The following MS4A1 variants were observed in gnomAD, a reference collection of about 807,000 sequenced individuals.
MS4A1 encodes B-lymphocyte antigen CD20.
A neutral mutation model predicts 26.5 loss-of-function variants in MS4A1; 16 were observed. The observed-to-expected ratio is 0.60, with a 90% CI of 0.41 to 0.92. MS4A1 has a LOEUF of 0.92. MS4A1 is among the 40% of genes least tolerant of loss of function. The pLI is 0.00. For synonymous variants in MS4A1, 128 were observed against 117.6 expected (o/e 1.09, Z -0.57); for missense variants, 350 against 353.0 (o/e 0.99, Z 0.07).
Position 60,459,520 on chromosome 11 carries a change from C to A in MS4A1, c.-279-1552C>A, listed in dbSNP as rs1233998429. Among the ~76,000 whole-genome samples the A allele has an allele frequency of 3.3e-5, 5 of 152,242 alleles. No individual in the cohort carries two copies. The East Asian group carries it at 9.6e-4, about 29-fold the overall frequency. On this transcript the variant is annotated intron_variant, in intron 1 of 7. Coordinates refer to ENST00000345732, the MANE Select transcript of MS4A1 (RefSeq NM_152866.3). The stretch of plus-strand genomic sequence containing the variant: ...GTCTTTACTAAGGCAAATTCTATAC[C>A]CAGACTGCAGCTTCCTCATTTGTGA...
At chr11:60,459,871 AG>A (rs1428954985) in intron 1 of MS4A1, among the ~76,000 whole-genome samples, 3 of 152,240 alleles carry the variant, frequency 2.0e-5, no homozygotes, top group African/African-American at 7.2e-5. Flanking sequence ...CATAAGGGAA[AG>A]GCTGAATTCC....
chr11:60,463,743 A>C, intron 4 of MS4A1: 1 of 451,672 alleles, frequency 2.2e-6, no homozygotes, highest in South Asian at 1.6e-5. Flanking sequence ...TTAGAACAAG[A>C]GTTTCCTCCA....
At chr11:60,466,803 G>A (rs945793252) in intron 6 of MS4A1, 156 bp from the exon 7 acceptor site, 2 of 739,844 alleles carry the variant, frequency 2.7e-6, no homozygotes, top group Non-Finnish European at 4.7e-6. Context: ...TAAAGATGCT[G>A]TCTCCTGTAC....
intron 6 of MS4A1, 121 bp from the exon 7 acceptor site, chr11:60,466,838 A>T: frequency 1.1e-6 from 1 of 949,290 alleles, no homozygotes; most frequent in Non-Finnish European, 1.7e-6. Context: ...GCTATTCATT[A>T]CTTGTCTAAA....
intron 1 of MS4A1, among the ~76,000 whole-genome samples, chr11:60,459,531 C>T (rs755322989): frequency 8.5e-5 from 13 of 152,212 alleles, no homozygotes; most frequent in Non-Finnish European, 1.8e-4. Flanking sequence ...CAGACTGCAG[C>T]TTCCTCATTT....
In MS4A1 at chr11:60,462,511, T is replaced by G; in HGVS notation, c.137T>G (p.Met46Arg). ...GTGGGCCCCACGCAAAGCTTCTTCA[T>G]GAGGGAATCTAAGACTTTGGGGGTA... ...SLVGPTQSFF[M>R]RESKTLGAVQ... The change falls in exon 3 of 8, where the codon ATG (methionine) becomes AGG (arginine). Residue 46 changes from methionine (M) to arginine (R), a missense_variant. Physicochemically the swap from Met to Arg is moderately conservative, Grantham distance 91. Coordinates refer to ENST00000345732, the MANE Select transcript of MS4A1 (RefSeq NM_152866.3). The G allele has an allele frequency of 6.2e-7, 1 of 1,614,200 alleles. No individual in the cohort carries two copies. The highest frequency in any genetic ancestry group is 8.5e-7 in the Non-Finnish European group (1 of 1,180,028).
At chr11:60,463,696 G>T in intron 4 of MS4A1, 1 of 421,200 alleles carries the variant, frequency 2.4e-6, no homozygotes. Flanking sequence ...TAAAAGATAA[G>T]TCCAGGATTA....
intron 5 of MS4A1, 103 bp from the exon 6 acceptor site, chr11:60,465,818 A>G: frequency 1.2e-6 from 1 of 837,928 alleles, no homozygotes; most frequent in South Asian, 1.4e-5. Flanking sequence ...ATTTAGTTGT[A>G]GTTGCTTTGT....
intron 7 of MS4A1, among the ~76,000 whole-genome samples, chr11:60,467,564 C>T (rs1033066428): frequency 4.6e-5 from 7 of 152,056 alleles, no homozygotes; most frequent in Admixed American, 1.3e-4. Context: ...GCGTGAGCCA[C>T]CATGCCCCAC....
chr11:60,462,208 A>G lies in MS4A1; in HGVS notation c.-167A>G, dbSNP rs1464963591. On this transcript the variant is annotated 5_prime_UTR_variant, in exon 3 of 8. Transcript: ENST00000345732. The stretch of plus-strand genomic sequence containing the variant: ...AGAACTCAGCAGTAGGCCTTGCCTC[A>G]GATCCAAGGTCACTCGGAAGAGGCC... 3.6e-5 allele frequency: 28 copies of G among 772,132 alleles called. No individual in the cohort carries two copies. The highest frequency in any genetic ancestry group is 6.2e-5 in the Non-Finnish European group (28 of 451,254). The allele number at this position is 772,132 out of a possible 1,614,324, so 47.8% of individuals were successfully genotyped here. A position where few individuals can be genotyped will look rare whatever the true frequency, so the allele number is the denominator to read the frequency against.
intron 1 of MS4A1, among the ~76,000 whole-genome samples, chr11:60,459,755 AAG>A (rs2086233208): frequency 6.6e-6 from 1 of 152,162 alleles, no homozygotes; most frequent in Non-Finnish European, 1.5e-5. Context: ...GAAACAACCA[AAG>A]TTTCTTCTCT....
At chr11:60,461,816 G>A (rs545848383) in intron 2 of MS4A1, among the ~76,000 whole-genome samples, 2 of 149,402 alleles carry the variant, frequency 1.3e-5, no homozygotes, top group Non-Finnish European at 2.9e-5. Flanking sequence ...CACCGTGCCC[G>A]ACCTAGAGAG....
chr11:60,459,693 C>T (rs2086232434), intron 1 of MS4A1, among the ~76,000 whole-genome samples: 1 of 152,172 alleles, frequency 6.6e-6, no homozygotes, highest in Admixed American at 6.5e-5. Context: ...CAAAGCAGAT[C>T]CCCAGGACCA....
chr11:60,466,930 T>C, intron 6 of MS4A1, 29 bp from the exon 7 acceptor site: 1 of 1,600,682 alleles, frequency 6.2e-7, no homozygotes. Context: ...TTATTACATT[T>C]TCACCTTCAT....
At chr11:60,463,631 G>A (rs2086266703) in intron 4 of MS4A1, 1 of 342,876 alleles carries the variant, frequency 2.9e-6, no homozygotes, top group Admixed American at 3.4e-5. Context: ...GTCTGGGTGT[G>A]GCACATAGGA....
intron 2 of MS4A1, 34 bp from the exon 3 acceptor site, chr11:60,462,151 T>G: frequency 1.5e-6 from 1 of 647,298 alleles, no homozygotes. Flanking sequence ...GCCCACATGC[T>G]CTTCCTAAAC....
chr11:60,465,181 C>T (rs538461185), intron 5 of MS4A1, among the ~76,000 whole-genome samples: 56 of 152,242 alleles, frequency 3.7e-4, no homozygotes, highest in Middle Eastern at 6.8e-3. Flanking sequence ...ATGAAATATG[C>T]GCAGCATAAA....
chr11:60,468,644 C>T lies in MS4A1; in HGVS notation c.*176C>T, dbSNP rs2086316188. ...TTACATTGAATGTAGAGAATGTAGC[C>T]ATTGTAGCAGCTTGTGTTGTCACGC... On this transcript the variant is annotated 3_prime_UTR_variant, in exon 8 of 8. Coordinates refer to ENST00000345732, the MANE Select transcript of MS4A1 (RefSeq NM_152866.3). 4.6e-6 allele frequency: 3 copies of T among 656,546 alleles called. No homozygotes were observed. Among genetic ancestry groups the T allele is most frequent in the Non-Finnish European group, 8.0e-6 (3 of 375,662 alleles). 40.7% of individuals were successfully genotyped at this position (656,546 alleles called of 1,614,324 possible).
At chr11:60,463,254 T>A in intron 4 of MS4A1, 133 bp downstream of exon 4, 1 of 1,305,254 alleles carries the variant, frequency 7.7e-7, no homozygotes, top group Non-Finnish European at 1.1e-6. Flanking sequence ...TTAAAGTAAT[T>A]AAGAAGACAG....
Sources: allele counts gnomAD v4.1 joint callset (sites outside exome capture counted in the v4.1 genomes callset), GRCh38; gene constraint gnomAD v4.1.1; transcripts MANE v1.5; gene names NCBI Gene and HGNC (gene_info 2026-07-23, HGNC 2026-07-21).